Variants in P3H1 observed in about 807,000 individuals in gnomAD.
P3H1 encodes prolyl 3-hydroxylase 1.
P3H1 carries 69 observed loss-of-function variants against 84.0 expected under a neutral mutation model. The ratio of observed to expected loss-of-function variants is 0.82; its 90% CI spans 0.68 to 1.00. The LOEUF is 1.00. Among genes scored for constraint, P3H1 ranks in the 50% least tolerant of loss-of-function variants. The pLI is 0.00. For synonymous variants in P3H1, 366 were observed against 388.8 expected (o/e 0.94, Z 0.69); for missense variants, 878 against 962.8 (o/e 0.91, Z 1.17).
At chr1:42,748,360 A>G (rs150291892) in intron 11 of P3H1, 43 bp from the exon 12 acceptor site, 4 of 1,412,416 alleles carry the variant, frequency 2.8e-6, no homozygotes, top group East Asian at 4.6e-5. Flanking sequence ...GCACCTCGGG[A>G]GACGGCATAG....
chr1:42,748,264 T>C lies in P3H1; in HGVS notation c.1774A>G (p.Ile592Val). The change falls in exon 12 of 15, where the codon ATC (isoleucine) becomes GTC (valine). Residue 592 changes from isoleucine (I) to valine (V), a missense_variant. By Grantham distance (29) the Ile-to-Val change is conservative (BLOSUM62 3). Coordinates refer to ENST00000296388, the MANE Select transcript of P3H1 (RefSeq NM_022356.4). Reference protein sequence around the residue: ...DSHPVHVDNCILNAETLVCVK... With the variant: ...DSHPVHVDNCVLNAETLVCVK... ...CACACGAGGGTCTCGGCATTCAGGA[T>C]GCAGTTGTCCACGTGGACTGGATGA... 6.2e-7 allele frequency: 1 copy of C among 1,614,074 alleles called. No homozygotes were observed. Among genetic ancestry groups the C allele is most frequent in the African/African-American group, 1.3e-5 (1 of 75,028 alleles).
intron 2 of P3H1, 59 bp downstream of exon 2, chr1:42,762,263 TC>T (rs1652760103): frequency 6.4e-7 from 1 of 1,565,490 alleles, no homozygotes. Flanking sequence ...AGAGCAAGAC[TC>T]TGTCTCTAAA....
rs372064306 is a variant in P3H1 at position 42,750,159 on chromosome 1, G to A, written c.1720+27C>T. The A allele has an allele frequency of 1.5e-4, 247 of 1,607,914 alleles. 1 individual carries two copies. The highest frequency in any genetic ancestry group is 2.2e-4 in the East Asian group (10 of 44,628). ...GAGCTGAGGTACAGCATGCGGGGGC[G>A]GGTGCTGCAGGGGTAATGAGGCCCA... On this transcript the variant is annotated intron_variant, in intron 11 of 14. Coordinates refer to ENST00000296388, the MANE Select transcript of P3H1 (RefSeq NM_022356.4).
Position 42,755,133 on chromosome 1 carries a change from A to C in P3H1, c.1223+32T>G, listed in dbSNP as rs1484973840. ...AAGCCTCAAGTGCTTCATCAGACTG[A>C]TCCAACCATGCAGTTTCTTCAAGGT... On this transcript the variant is annotated intron_variant, in intron 7 of 14. Coordinates refer to ENST00000296388, the MANE Select transcript of P3H1 (RefSeq NM_022356.4). 6.8e-6 allele frequency: 11 copies of C among 1,613,552 alleles called. No homozygotes were observed. The South Asian group carries it at 1.2e-4, about 18-fold the overall frequency.
intron 1 of P3H1, among the ~76,000 whole-genome samples, chr1:42,762,862 C>T (rs749066651): frequency 2.0e-5 from 3 of 152,054 alleles, no homozygotes; most frequent in Non-Finnish European, 2.9e-5. Context: ...GAGGCCGAGG[C>T]AGGTGGATCA....
Position 42,747,412 on chromosome 1 carries a change from C to A in P3H1, c.1915G>T (p.Ala639Ser), listed in dbSNP as rs750377534. 3 of 1,610,136 alleles carry A rather than the reference C, an allele frequency of 1.9e-6. No homozygotes were observed. In the South Asian group the frequency reaches 3.3e-5, roughly 18 times the overall value. ...FTELDAKTVTAEVQPQCGRAV... is the reference protein window; with the variant it reads ...FTELDAKTVTSEVQPQCGRAV... Reference sequence around the variant, plus strand: ...CTTCCACACTGAGGCTGCACCTCTGCCTAAGGGGGACAGAAAGGGAGGGGG... The same window carrying A: ...CTTCCACACTGAGGCTGCACCTCTGACTAAGGGGGACAGAAAGGGAGGGGG... Residue 639 changes from alanine (A) to serine (S), a missense_variant and splice_region_variant, in exon 14 of 15, where the codon GCA becomes TCA. Coordinates refer to ENST00000296388, the MANE Select transcript of P3H1 (RefSeq NM_022356.4).
In P3H1 at chr1:42,754,322, G is replaced by A. The variant is rs1652267710; in HGVS notation, c.1345+547C>T. ...CTGCAGAGCAGAGCCACAATCAGTAGGCCTTCCCAGCAGCTTGCAGAAAAC... is the reference window on the plus strand; with the variant it reads ...CTGCAGAGCAGAGCCACAATCAGTAAGCCTTCCCAGCAGCTTGCAGAAAAC... On this transcript the variant is annotated intron_variant, in intron 8 of 14. Transcript: ENST00000296388. This position sits in a 1 kb window ranked among gnomAD's most constrained non-coding sequence, Gnocchi z 4.0. Among the ~76,000 whole-genome samples, 1 of 152,154 alleles carries A rather than the reference G, an allele frequency of 6.6e-6. No individual in the cohort carries two copies. Among genetic ancestry groups the A allele is most frequent in the South Asian group, 2.1e-4 (1 of 4,824 alleles).
At chr1:42,750,824 G>A (rs1287763084) in intron 10 of P3H1, among the ~76,000 whole-genome samples, 24 of 146,672 alleles carry the variant, frequency 1.6e-4, no homozygotes, top group African/African-American at 2.0e-4. Context: ...AGGTGGGGGG[G>A]TCAGCCCCCT....
rs1467568654 is a variant in P3H1 at position 42,746,662 on chromosome 1, G to A, written c.*35C>T. 2.0e-6 allele frequency: 3 copies of A among 1,508,360 alleles called. No homozygotes were observed. The South Asian group carries it at 3.6e-5, about 18-fold the overall frequency. The allele number at this position is 1,508,360 out of a possible 1,614,324, so 93.4% of individuals were successfully genotyped here. A position where few individuals can be genotyped will look rare whatever the true frequency, so the allele number is the denominator to read the frequency against. On this transcript the variant is annotated 3_prime_UTR_variant, in exon 15 of 15. Coordinates refer to ENST00000296388, the MANE Select transcript of P3H1 (RefSeq NM_022356.4). Reference sequence around the variant, plus strand: ...AGAGTGCAGAAGAGTTCCTCTCCATGGGTCTAGTCACCCATCCGTCTGACC... The same window carrying A: ...AGAGTGCAGAAGAGTTCCTCTCCATAGGTCTAGTCACCCATCCGTCTGACC...
intron 1 of P3H1, among the ~76,000 whole-genome samples, chr1:42,764,704 T>C (rs1652903918): frequency 6.6e-6 from 1 of 152,158 alleles, no homozygotes; most frequent in Admixed American, 6.5e-5. Flanking sequence ...TAAGAAAACT[T>C]ATTTTCTTAT....
intron 11 of P3H1, 158 bp from the exon 12 acceptor site, chr1:42,748,475 G>T: frequency 1.4e-6 from 1 of 703,372 alleles, no homozygotes; most frequent in South Asian, 1.5e-5. Flanking sequence ...CTAGGGGTCA[G>T]GACAAGTCTG....
intron 12 of P3H1, 149 bp from the exon 13 acceptor site, chr1:42,747,947 C>G (rs1052510611): frequency 1.3e-6 from 1 of 784,480 alleles, no homozygotes; most frequent in African/African-American, 1.7e-5. Context: ...CGTACAAACT[C>G]CACCTTTCCA....
chr1:42,758,489 C>A (rs1354779090), intron 4 of P3H1, among the ~76,000 whole-genome samples: 1 of 152,224 alleles, frequency 6.6e-6, no homozygotes, highest in Non-Finnish European at 1.5e-5. Context: ...TTGGCAGCCC[C>A]ACAAAAGCAT....
rs72659356 is a variant in P3H1 at position 42,747,286 on chromosome 1, G to C, written c.2041C>G (p.Arg681Gly). ...AIALWFTLDPRHSERDRVQAD... is the reference protein window; with the variant it reads ...AIALWFTLDPGHSERDRVQAD... ...GCTGCTCTCACCCGCTCGCTGTGTCGAGGGTCCAGGGTGAACCACAGGGCG... is the reference window on the plus strand; with the variant it reads ...GCTGCTCTCACCCGCTCGCTGTGTCCAGGGTCCAGGGTGAACCACAGGGCG... The change falls in exon 14 of 15, where the codon CGA becomes GGA. Residue 681 changes from arginine to glycine, a missense_variant. Physicochemically the swap from Arg to Gly is moderately radical, Grantham distance 125 (BLOSUM62 -2). Coordinates refer to ENST00000296388, the MANE Select transcript of P3H1 (RefSeq NM_022356.4). 6 of 1,613,748 alleles carry C rather than the reference G, an allele frequency of 3.7e-6. No homozygotes were observed. Among genetic ancestry groups the C allele is most frequent in the South Asian group, 3.3e-5 (3 of 91,084 alleles).
intron 1 of P3H1, among the ~76,000 whole-genome samples, chr1:42,765,692 G>A (rs143226150): frequency 6.6e-6 from 1 of 152,098 alleles, no homozygotes; most frequent in Non-Finnish European, 1.5e-5. Context: ...TCGAATCGAA[G>A]GTCTTTTAAA....
At chr1:42,752,136 G>C (rs960065039) in intron 10 of P3H1, 138 bp downstream of exon 10, 26 of 757,980 alleles carry the variant, frequency 3.4e-5, no homozygotes, top group African/African-American at 1.4e-4. Flanking sequence ...ACTCATCCTC[G>C]CTTCCTGGCA....
At chr1:42,747,635 G>T in intron 13 of P3H1, 88 bp downstream of exon 13, 2 of 1,439,980 alleles carry the variant, frequency 1.4e-6, no homozygotes, top group Non-Finnish European at 2.0e-6. Context: ...AAGCCCAGTT[G>T]GTTATTTTTG....
Position 42,755,782 on chromosome 1 carries a change from G to A in P3H1, c.1081-145C>T. The A allele has an allele frequency of 5.8e-6, 4 of 694,868 alleles. No individual in the cohort carries two copies. The East Asian group carries it at 1.1e-4, about 19-fold the overall frequency. 43.0% of individuals were successfully genotyped at this position (694,868 alleles called of 1,614,324 possible). On this transcript the variant is annotated intron_variant, in intron 5 of 14. Coordinates refer to ENST00000296388, the MANE Select transcript of P3H1 (RefSeq NM_022356.4). Reference sequence around the variant, plus strand: ...ACCAATGCTCTCTGTCTGTTCCCCAGTTTGAGACAAAAGTCTAATTTCTGT... The same window carrying A: ...ACCAATGCTCTCTGTCTGTTCCCCAATTTGAGACAAAAGTCTAATTTCTGT...
intron 1 of P3H1, among the ~76,000 whole-genome samples, chr1:42,763,171 T>C (rs1330927719): frequency 6.6e-6 from 1 of 151,446 alleles, no homozygotes; most frequent in Non-Finnish European, 1.5e-5. Flanking sequence ...GATTTAGGGG[T>C]AGAGAAAAAA....
Sources: allele counts gnomAD v4.1 joint callset (sites outside exome capture counted in the v4.1 genomes callset), GRCh38; gene constraint gnomAD v4.1.1; non-coding constraint Gnocchi (gnomAD v3.1); transcripts MANE v1.5; gene names NCBI Gene and HGNC (gene_info 2026-07-23, HGNC 2026-07-21).